Variants in ANKRD28 observed in about 807,000 individuals in gnomAD.
ANKRD28 encodes serine/threonine-protein phosphatase 6 regulatory ankyrin repeat subunit A.
Under a neutral mutation model 126.5 loss-of-function variants are expected in ANKRD28, and 44 were observed. The ratio of observed to expected loss-of-function variants is 0.35; its 90% confidence interval spans 0.27 to 0.45. The LOEUF (loss-of-function observed/expected upper bound fraction) is 0.45. Ranked by LOEUF, ANKRD28 falls within the 20% of genes least tolerant of loss-of-function variation. The probability of loss-of-function intolerance (pLI) is 1.00; values close to 1 mark genes in which losing one functional copy is unlikely to be tolerated. For synonymous variants in ANKRD28, 442 were observed against 468.5 expected, an observed-to-expected ratio of 0.94 and a Z score of 0.73; for missense variants, 1,110 against 1,316.6, an observed-to-expected ratio of 0.84 and a Z score of 2.43.
At chr3:15,840,698 A>G (rs775016171) in intron 1 of ANKRD28, among the ~76,000 whole-genome samples, 1 of 152,244 alleles carries the variant, frequency 6.6e-6, no homozygotes, top group Non-Finnish European at 1.5e-5. Flanking sequence ...AGACACATAG[A>G]TCAGTGGAAC....
At chr3:15,729,290 T>C (rs572296588) in intron 6 of ANKRD28, among the ~76,000 whole-genome samples, 1 of 152,160 alleles carries the variant, frequency 6.6e-6, no homozygotes, top group Non-Finnish European at 1.5e-5. Context: ...TGTGTCTTTG[T>C]TCATGTAACA....
In ANKRD28 at chr3:15,830,962, T is replaced by G. The variant is rs1238407286; in HGVS notation, c.27+28415A>C. Among the ~76,000 whole-genome samples the G allele has an allele frequency of 1.3e-5, 2 of 152,112 alleles. No individual in the cohort carries two copies. Among genetic ancestry groups the G allele is most frequent in the Non-Finnish European group, 2.9e-5 (2 of 68,026 alleles). On this transcript the variant is annotated intron_variant, in intron 1 of 27. Coordinates refer to the ANKRD28 transcript ENST00000399451. This position sits in a 1 kb window ranked among gnomAD's most constrained non-coding sequence, Gnocchi z 4.5. ...CGTGGGTGGCCTTGGTTGGCAATAC[T>G]CCTTGCGTGTCACCATATATTGTTG...
chr3:15,771,076 AG>A (rs1209929920), intron 2 of ANKRD28, among the ~76,000 whole-genome samples: 1 of 152,190 alleles, frequency 6.6e-6, no homozygotes, highest in Non-Finnish European at 1.5e-5. Context: ...TATAAAGAAA[AG>A]AGGTTTATTT....
intron 14 of ANKRD28, among the ~76,000 whole-genome samples, chr3:15,705,453 T>C (rs1575270732): frequency 6.6e-6 from 1 of 152,286 alleles, no homozygotes; most frequent in East Asian, 1.9e-4. Context: ...TGCTGAGCTG[T>C]ACCCAATAAC....
chr3:15,679,218 C>CT lies in ANKRD28; in HGVS notation c.2561+82dup, dbSNP rs2067269403. 8 of 1,348,438 alleles carry CT rather than the reference C, an allele frequency of 5.9e-6. No homozygotes were observed. The South Asian group carries it at 9.5e-5, about 16-fold the overall frequency. 83.5% of individuals were successfully genotyped at this position (1,348,438 alleles called of 1,614,324 possible). On this transcript the variant is annotated intron_variant, in intron 23 of 27. Coordinates refer to ENST00000683139, the MANE Select transcript of ANKRD28 (RefSeq NM_001349278.2). ...CTCCTGGCTTCAAGTCATCCTCCCA[C>CT]TTCAGCCTCCCAGATTGTTAGGATT...
chr3:15,824,344 C>T (rs932308573), intron 1 of ANKRD28, among the ~76,000 whole-genome samples: 6 of 152,066 alleles, frequency 3.9e-5, no homozygotes, highest in African/African-American at 1.2e-4. Flanking sequence ...TTGATAGTGA[C>T]GGCATTTCAC....
Position 15,684,858 on chromosome 3 carries a change from T to C in ANKRD28, c.2389+368A>G, listed in dbSNP as rs80283212. The C allele has an allele frequency of 4.2e-3, 813 of 191,374 alleles. 8 individuals carry two copies. Among genetic ancestry groups the C allele is most frequent in the East Asian group, 0.019 (131 of 6,750 alleles). The allele number at this position is 191,374 out of a possible 1,614,324, so 11.9% of individuals were successfully genotyped here. On this transcript the variant is annotated intron_variant, in intron 21 of 27. Coordinates refer to ENST00000683139, the MANE Select transcript of ANKRD28 (RefSeq NM_001349278.2). Reference sequence around the variant, plus strand: ...GAAAAACTTCAGGCTACATGGTGGCTCATGCCTGTAATCCCAACACTTTGG... The same window carrying C: ...GAAAAACTTCAGGCTACATGGTGGCCCATGCCTGTAATCCCAACACTTTGG...
intron 1 of ANKRD28, among the ~76,000 whole-genome samples, chr3:15,847,320 T>A (rs575818647): frequency 6.6e-6 from 1 of 152,364 alleles, no homozygotes; most frequent in African/African-American, 2.4e-5. Flanking sequence ...TTGCTTGTGA[T>A]AGCAATCTCT....
chr3:15,798,148 C>G (rs536332346), upstream of ANKRD28: 10 of 985,386 alleles, frequency 1.0e-5, no homozygotes, highest in South Asian at 4.7e-4. Context: ...CTAAAAGCCA[C>G]AAGGAAATCT....
rs546631975 is a variant in ANKRD28, at chr3:15,741,226, G to A, written c.352-3993C>T. Among the ~76,000 whole-genome samples the A allele has an allele frequency of 4.0e-5, 6 of 151,780 alleles. 2 individuals carry two copies. The highest frequency in any genetic ancestry group is 1.5e-4 in the African/African-American group (6 of 41,308). On this transcript the variant is annotated intron_variant, in intron 4 of 27. Transcript: ENST00000683139. Reference sequence around the variant, plus strand: ...AAAAAAAAAACAAAAAACAAAAAACGTGTCAGATCACAATAGCAGTGATCT... The same window carrying A: ...AAAAAAAAAACAAAAAACAAAAAACATGTCAGATCACAATAGCAGTGATCT...
chr3:15,694,481 G>T (rs1022319342), intron 17 of ANKRD28, among the ~76,000 whole-genome samples: 2 of 150,420 alleles, frequency 1.3e-5, no homozygotes, highest in Admixed American at 6.6e-5. Context: ...TCTCTCCCCA[G>T]AAGGCCCTGG....
upstream of ANKRD28, among the ~76,000 whole-genome samples, chr3:15,802,352 C>G (rs2060479919): frequency 6.6e-6 from 1 of 152,138 alleles, no homozygotes; most frequent in Non-Finnish European, 1.5e-5. Context: ...CCATACAAGC[C>G]TTGGACTGTC....
At chr3:15,674,174 CAAAAAAAAAAAA>C (rs34806568) in intron 27 of ANKRD28, among the ~76,000 whole-genome samples, 98 of 40,290 alleles carry the variant, frequency 2.4e-3, no homozygotes, top group African/African-American at 0.01. Context: ...CCTGCCTCTT[CAAAAAAAAAAAA>C]AAAAAAAAAA....
chr3:15,785,107 T>C (rs79024111), intron 2 of ANKRD28, among the ~76,000 whole-genome samples: 3,834 of 152,132 alleles, frequency 0.025, 166 homozygotes, highest in African/African-American at 0.086. Context: ...ACTATAAAAA[T>C]GCAAAACTAT....
Position 15,685,251 on chromosome 3 carries a change from C to T in ANKRD28, c.2364G>A (p.Thr788=), listed in dbSNP as rs1194479933. 48 of 1,613,810 alleles carry T rather than the reference C, an allele frequency of 3.0e-5. No homozygotes were observed. The highest frequency in any genetic ancestry group is 3.9e-5 in the Non-Finnish European group (46 of 1,179,878). The change falls in exon 21 of 28, where the codon ACG becomes ACA. Residue 788 remains threonine, a synonymous_variant. Coordinates refer to ENST00000683139, the MANE Select transcript of ANKRD28 (RefSeq NM_001349278.2). ...CATTGTAGCAAGCCCAGTGAAGTGC[C>T]GTATATCCATGATTGTCTGCTGTGG... ...NPATADNHGY[T]ALHWACYNGH... is the part of the protein sequence containing the mutation.
intron 1 of ANKRD28, among the ~76,000 whole-genome samples, chr3:15,805,033 C>T (rs1419529178): frequency 1.4e-5 from 2 of 145,428 alleles, no homozygotes; most frequent in Non-Finnish European, 1.5e-5. Flanking sequence ...CAGGTACTTA[C>T]GAAAACAGAG....
At chr3:15,706,500 T>C (rs183092951) in intron 14 of ANKRD28, among the ~76,000 whole-genome samples, 37 of 152,308 alleles carry the variant, frequency 2.4e-4, no homozygotes, top group African/African-American at 8.7e-4. Flanking sequence ...TGATGGACAT[T>C]TGGGGTGGTT....
At chr3:15,702,040 C>A (rs2070706575) in intron 14 of ANKRD28, among the ~76,000 whole-genome samples, 2 of 152,198 alleles carry the variant, frequency 1.3e-5, no homozygotes, top group African/African-American at 4.8e-5. Flanking sequence ...AATACAATTT[C>A]TTTTATTGGC....
chr3:15,752,337 G>T (rs900049225), intron 3 of ANKRD28, among the ~76,000 whole-genome samples: 1 of 152,158 alleles, frequency 6.6e-6, no homozygotes, highest in African/African-American at 2.4e-5. Context: ...AAAAATAATT[G>T]AGAAAGAAAT....
Sources: allele counts gnomAD v4.1 joint callset (sites outside exome capture counted in the v4.1 genomes callset), GRCh38; gene constraint gnomAD v4.1.1; non-coding constraint Gnocchi (gnomAD v3.1); transcripts MANE v1.5; gene names NCBI Gene and HGNC (gene_info 2026-07-23, HGNC 2026-07-21).